The following CYP2J2 variants were observed in gnomAD, a reference collection of about 807,000 sequenced individuals.
CYP2J2 encodes cytochrome P450 2J2.
In CYP2J2, 41 loss-of-function variants were observed where a neutral mutation model predicts 48.8. That is an observed-to-expected ratio of 0.84 (90% CI 0.66 to 1.09). The LOEUF is 1.09. Ranked by LOEUF, CYP2J2 falls within the 50% of genes least tolerant of loss-of-function variation. CYP2J2 has a pLI of 0.00. For missense variants in CYP2J2, 644 were observed against 617.3 expected (o/e 1.04, Z -0.46); for synonymous variants, 221 against 227.1 (o/e 0.97, Z 0.24).
chr1:59,964,598 C>G, the CYP2J2 span, among the ~76,000 whole-genome samples: 10 of 152,308 alleles, frequency 6.6e-5, no homozygotes, highest in South Asian at 1.4e-3. Flanking sequence ...ACTCAAAGCT[C>G]ATTGTTGGCC....
the CYP2J2 span, among the ~76,000 whole-genome samples, chr1:59,947,865 C>T: frequency 6.6e-6 from 1 of 151,762 alleles, no homozygotes; most frequent in South Asian, 2.1e-4. Flanking sequence ...CCCTATGCAT[C>T]CCTTTCTACT....
chr1:59,966,128 G>A, the CYP2J2 span, among the ~76,000 whole-genome samples: 2 of 152,190 alleles, frequency 1.3e-5, no homozygotes, highest in Non-Finnish European at 2.9e-5. Context: ...GATCCCACTT[G>A]TCCTGTCATT....
At position 59,905,876 on chromosome 1, in the gene CYP2J2, A is replaced by T. The variant is rs575138979; in HGVS notation, c.1004-818T>A. Among the ~76,000 whole-genome samples the T allele has an allele frequency of 2.2e-4, 34 of 152,298 alleles. 1 individual carries two copies. In the South Asian group the frequency reaches 6.8e-3, roughly 31 times the overall value. ...TTTCTCTTTCTCTAGAGTAATAGAG[A>T]TTTTAGCTGGAGACCTGACTGCCCA... On this transcript the variant is annotated intron_variant, in intron 6 of 8. Transcript: ENST00000371204.
chr1:59,940,796 A>G, the CYP2J2 span, among the ~76,000 whole-genome samples: 4 of 152,212 alleles, frequency 2.6e-5, no homozygotes, highest in Non-Finnish European at 5.9e-5. Context: ...ACAATGGAAA[A>G]CTATTTGCCC....
At chr1:59,905,100 T>C (rs540170213) in intron 6 of CYP2J2, 42 bp from the exon 7 acceptor site, 1 of 1,583,192 alleles carries the variant, frequency 6.3e-7, no homozygotes, top group African/African-American at 1.4e-5. Context: ...TAAACTTTTA[T>C]GCTTTATTAT....
At chr1:59,968,652 C>T in the CYP2J2 span, among the ~76,000 whole-genome samples, 1 of 152,374 alleles carries the variant, frequency 6.6e-6, no homozygotes, top group South Asian at 2.1e-4. Flanking sequence ...CGGACAGTGA[C>T]ACCAGAGGAT....
chr1:59,912,352 T>G (rs936541817), intron 2 of CYP2J2, 41 bp from the exon 3 acceptor site: 1 of 1,570,510 alleles, frequency 6.4e-7, no homozygotes, highest in Non-Finnish European at 8.7e-7. Context: ...TCTGATTCCA[T>G]AATATGAATA....
chr1:59,909,830 G>A lies in CYP2J2; in HGVS notation c.815C>T (p.Ala272Val), dbSNP rs1040693813. Residue 272 changes from alanine to valine, a missense_variant, in exon 5 of 9, where the codon GCA becomes GTA. Ala to Val is a moderately conservative substitution (Grantham distance 64, BLOSUM62 0). Coordinates refer to ENST00000371204, the MANE Select transcript of CYP2J2 (RefSeq NM_000775.4). Reference sequence around the variant, plus strand: ...AGCATCAATAAAGTCTCTTGTTTCTGCAGGATTCCAATCCTTTCTGTGTTT... The same window carrying A: ...AGCATCAATAAAGTCTCTTGTTTCTACAGGATTCCAATCCTTTCTGTGTTT... ...IDKHRKDWNPAETRDFIDAYL... is the reference protein window; with the variant it reads ...IDKHRKDWNPVETRDFIDAYL... The A allele has an allele frequency of 6.2e-7, 1 of 1,601,348 alleles. No homozygotes were observed. Among genetic ancestry groups the A allele is most frequent in the Non-Finnish European group, 8.5e-7 (1 of 1,176,418 alleles).
the CYP2J2 span, among the ~76,000 whole-genome samples, chr1:59,954,258 G>T: frequency 6.6e-6 from 1 of 152,166 alleles, no homozygotes; most frequent in Non-Finnish European, 1.5e-5. Context: ...TTTTGTGATT[G>T]CTTTGCTGCA....
chr1:59,902,916 C>G (rs1009533153), intron 7 of CYP2J2, among the ~76,000 whole-genome samples: 1 of 152,152 alleles, frequency 6.6e-6, no homozygotes, highest in African/African-American at 2.4e-5. Flanking sequence ...TGAATTAGGT[C>G]TATTTGACGT....
At chr1:59,930,473 T>G (rs922713303), upstream of CYP2J2, among the ~76,000 whole-genome samples, 21 of 152,192 alleles carry the variant, frequency 1.4e-4, no homozygotes, top group Non-Finnish European at 1.6e-4. Flanking sequence ...ATTGTGATTT[T>G]GATCTTAATT....
At chr1:59,898,947 T>G (rs1227086501) in intron 8 of CYP2J2, among the ~76,000 whole-genome samples, 1 of 152,114 alleles carries the variant, frequency 6.6e-6, no homozygotes, top group Non-Finnish European at 1.5e-5. Flanking sequence ...CTAATTCAGA[T>G]AAGATAATTT....
At chr1:59,953,442 C>T in the CYP2J2 span, among the ~76,000 whole-genome samples, 95 of 151,950 alleles carry the variant, frequency 6.3e-4, no homozygotes, top group Middle Eastern at 3.4e-3. Flanking sequence ...GATAATATAT[C>T]GGGCAGTGAT....
the CYP2J2 span, among the ~76,000 whole-genome samples, chr1:59,954,486 T>C: frequency 5.5e-4 from 83 of 151,428 alleles, no homozygotes; most frequent in African/African-American, 1.9e-3. Flanking sequence ...CAAAGGAACC[T>C]ATTTTATTTC....
In CYP2J2 at chr1:59,912,185, G is replaced by A; in HGVS notation, c.500C>T (p.Thr167Ile). Residue 167 changes from threonine to isoleucine, a missense_variant, in exon 3 of 9, where the codon ACT (threonine) becomes ATT (isoleucine). By Grantham distance (89) the Thr-to-Ile change is moderately conservative. Coordinates refer to ENST00000371204, the MANE Select transcript of CYP2J2 (RefSeq NM_000775.4). ...ERIQEEAQHL[T>I]EAIKEENGQP... ...ACCGTTCTCCTCTTTTATTGCTTCA[G>A]TGAGGTGTTGGGCCTCCTCCTGAAT... The A allele has an allele frequency of 1.2e-6, 2 of 1,613,570 alleles. No homozygotes were observed. The highest frequency in any genetic ancestry group is 1.7e-6 in the Non-Finnish European group (2 of 1,179,766).
intron 7 of CYP2J2, among the ~76,000 whole-genome samples, chr1:59,901,397 G>A (rs1559072687): frequency 6.6e-6 from 1 of 152,178 alleles, no homozygotes; most frequent in African/African-American, 2.4e-5. Flanking sequence ...GTAGGGCTTG[G>A]AAGGAGGGGG....
At chr1:59,924,536 A>G (rs779896157) in intron 1 of CYP2J2, among the ~76,000 whole-genome samples, 8 of 152,248 alleles carry the variant, frequency 5.3e-5, no homozygotes, top group Non-Finnish European at 1.2e-4. Context: ...AAAGGAACCT[A>G]AATGGTTGCA....
intron 8 of CYP2J2, among the ~76,000 whole-genome samples, chr1:59,894,275 G>A (rs1281690574): frequency 3.3e-5 from 5 of 152,202 alleles, no homozygotes; most frequent in Admixed American, 3.3e-4. Context: ...GAGTTCCTAA[G>A]GTATAAGTCA....
the CYP2J2 span, among the ~76,000 whole-genome samples, chr1:59,954,527 G>A: frequency 1.4e-5 from 2 of 141,216 alleles, no homozygotes; most frequent in Middle Eastern, 7.6e-3. Context: ...TTGAAGGGGA[G>A]AAATCATCTA....
Sources: allele counts gnomAD v4.1 joint callset (sites outside exome capture counted in the v4.1 genomes callset), GRCh38; gene constraint gnomAD v4.1.1; transcripts MANE v1.5; gene names NCBI Gene and HGNC (gene_info 2026-07-23, HGNC 2026-07-21).